SLC22A23: variants seen among roughly 807,000 people sequenced by gnomAD.
SLC22A23 encodes the protein solute carrier family 22 member 23, also known as ion transporter protein.
In SLC22A23, 26 loss-of-function variants were observed where a neutral mutation model predicts 61.0. The ratio of observed to expected loss-of-function variants is 0.43; its 90% confidence interval spans 0.31 to 0.59. SLC22A23 has a LOEUF of 0.59. Among genes scored for constraint, SLC22A23 ranks in the 20% least tolerant of loss-of-function variants. The pLI is 0.11. For missense variants in SLC22A23, 796 were observed against 934.7 expected (o/e 0.85, Z 1.94); for synonymous variants, 430 against 413.9 (o/e 1.04, Z -0.47).
chr6:3,285,011 CT>C, intron 8 of SLC22A23, 67 bp downstream of exon 8: 3 of 1,586,464 alleles, frequency 1.9e-6, no homozygotes, highest in Non-Finnish European at 2.6e-6. Context: ...GTCCGTGAGT[CT>C]TCGAGAAAAC....
intron 3 of SLC22A23, among the ~76,000 whole-genome samples, chr6:3,347,977 T>C (rs924433829): frequency 6.6e-6 from 1 of 152,182 alleles, no homozygotes; most frequent in Non-Finnish European, 1.5e-5. Flanking sequence ...TGTGTCATCA[T>C]GGAGGCTTTT....
intron 3 of SLC22A23, among the ~76,000 whole-genome samples, chr6:3,380,015 T>G (rs1368201980): frequency 6.6e-6 from 1 of 151,838 alleles, no homozygotes; most frequent in East Asian, 1.9e-4. Context: ...GTGGGAGAGA[T>G]AAAGAGAGGA....
intron 3 of SLC22A23, among the ~76,000 whole-genome samples, chr6:3,382,609 T>C (rs770619377): frequency 3.9e-5 from 6 of 152,244 alleles, no homozygotes; most frequent in Non-Finnish European, 8.8e-5. Context: ...TGGCAAACTA[T>C]AGCCTGTGGG....
At chr6:3,440,075 T>C (rs1771490377) in intron 1 of SLC22A23, among the ~76,000 whole-genome samples, 2 of 151,720 alleles carry the variant, frequency 1.3e-5, no homozygotes, top group African/African-American at 4.8e-5. Context: ...TCAGCTAGGG[T>C]CCAAGGACCA....
At chr6:3,440,521 G>C (rs1416252345) in intron 1 of SLC22A23, among the ~76,000 whole-genome samples, 2 of 151,762 alleles carry the variant, frequency 1.3e-5, no homozygotes, top group Non-Finnish European at 1.5e-5. Context: ...GCCTGGCCAA[G>C]ATGGTGAAAC....
intron 3 of SLC22A23, among the ~76,000 whole-genome samples, chr6:3,402,930 TC>T (rs1768531315): frequency 6.6e-6 from 1 of 152,210 alleles, no homozygotes; most frequent in African/African-American, 2.4e-5. Context: ...AAATTGTGCT[TC>T]CGGGCAGGTC....
At position 3,329,423 on chromosome 6, in the gene SLC22A23, G is replaced by C. The variant is rs748911960; in HGVS notation, c.914-5421C>G. Among the ~76,000 whole-genome samples the C allele has an allele frequency of 6.6e-6, 1 of 152,184 alleles. No homozygotes were observed. Among genetic ancestry groups the C allele is most frequent in the East Asian group, 1.9e-4 (1 of 5,196 alleles). On this transcript the variant is annotated intron_variant, in intron 3 of 9. Coordinates refer to ENST00000406686, the MANE Select transcript of SLC22A23 (RefSeq NM_015482.2). The surrounding 1 kb of genome is among the most constrained non-coding windows in gnomAD (Gnocchi z 4.8). ...CTGGCTTCTCTGAAATGAGAGTACA[G>C]GATTTTTCTGGACTGGAGTTGGCAA...
intron 3 of SLC22A23, among the ~76,000 whole-genome samples, chr6:3,380,721 C>T (rs1429924038): frequency 6.6e-6 from 1 of 152,140 alleles, no homozygotes; most frequent in East Asian, 1.9e-4. Flanking sequence ...AGCTGTGTTG[C>T]ACTGAAGTAA....
chr6:3,298,032 G>A (rs1356872373), intron 5 of SLC22A23, 59 bp downstream of exon 5: 4 of 1,438,800 alleles, frequency 2.8e-6, no homozygotes, highest in Non-Finnish European at 3.6e-6. Flanking sequence ...ACCAGCCCAG[G>A]TGTCAGGGAC....
In SLC22A23 at chr6:3,333,007, C is replaced by T. The variant is rs1005359304; in HGVS notation, c.914-9005G>A. Among the ~76,000 whole-genome samples, 10 of 152,146 alleles carry T rather than the reference C, an allele frequency of 6.6e-5. No individual in the cohort carries two copies. Among genetic ancestry groups the T allele is most frequent in the Admixed American group, 1.3e-4 (2 of 15,282 alleles). ...ACCCAGGTTCAGGTTTTTGGAAGAG[C>T]GTATCGCAGCTGGTGCCTGTGCGTC... On this transcript the variant is annotated intron_variant, in intron 3 of 9. Coordinates refer to ENST00000406686, the MANE Select transcript of SLC22A23 (RefSeq NM_015482.2). The surrounding 1 kb of genome is among the most constrained non-coding windows in gnomAD (Gnocchi z 4.1).
intron 9 of SLC22A23, chr6:3,282,351 T>C (rs1759547241): frequency 1.4e-6 from 1 of 701,554 alleles, no homozygotes; most frequent in Admixed American, 2.0e-5. Context: ...GATGAGTTCC[T>C]TGTGCTTAAT....
Position 3,297,204 on chromosome 6 carries a change from C to T in SLC22A23, c.1210+887G>A, listed in dbSNP as rs974533529. 1.3e-5 allele frequency among the ~76,000 whole-genome samples: 2 copies of T among 152,210 alleles called. No homozygotes were observed. The highest frequency in any genetic ancestry group is 1.5e-5 in the Non-Finnish European group (1 of 68,034). ...AAACACAGCAGGCATCTAGTAAACA[C>T]GTGTTGGTTTACTGAATGAATCATG... On this transcript the variant is annotated intron_variant, in intron 5 of 9. Coordinates refer to ENST00000406686, the MANE Select transcript of SLC22A23 (RefSeq NM_015482.2). This position sits in a 1 kb window ranked among gnomAD's most constrained non-coding sequence, Gnocchi z 4.3.
intron 5 of SLC22A23, among the ~76,000 whole-genome samples, chr6:3,293,249 G>A (rs1041177352): frequency 9.2e-5 from 14 of 152,314 alleles, no homozygotes; most frequent in African/African-American, 3.4e-4. Context: ...ACAAGGAGCA[G>A]GAGGAGGAGA....
chr6:3,397,933 C>T (rs1768116027), intron 3 of SLC22A23, among the ~76,000 whole-genome samples: 1 of 152,214 alleles, frequency 6.6e-6, no homozygotes, highest in African/African-American at 2.4e-5. Context: ...CAACGGGGAG[C>T]AAATGACCAA....
rs562393987 is a variant in SLC22A23, at chr6:3,386,228, T to C, written c.913+23960A>G. Among the ~76,000 whole-genome samples, 1 of 152,294 alleles carries C rather than the reference T, an allele frequency of 6.6e-6. No homozygotes were observed. Among genetic ancestry groups the C allele is most frequent in the East Asian group, 1.9e-4 (1 of 5,182 alleles). On this transcript the variant is annotated intron_variant, in intron 3 of 9. Coordinates refer to ENST00000406686, the MANE Select transcript of SLC22A23 (RefSeq NM_015482.2). This position sits in a 1 kb window ranked among gnomAD's most constrained non-coding sequence, Gnocchi z 4.4. ...GCATCACAGGGAAGCCAGTGTGCCC[T>C]GACAGTGCACGGTTAGGGGTTTAGA...
intron 2 of SLC22A23, among the ~76,000 whole-genome samples, chr6:3,411,670 T>G (rs1203782701): frequency 6.6e-6 from 1 of 151,886 alleles, no homozygotes. Flanking sequence ...CCTATAGAGA[T>G]AGATGGAATT....
intron 8 of SLC22A23, 179 bp downstream of exon 8, chr6:3,284,900 G>A (rs1407838132): frequency 2.0e-6 from 3 of 1,537,340 alleles, no homozygotes; most frequent in African/African-American, 1.4e-5. Flanking sequence ...CTAGAGGCAA[G>A]AGGGAGAATA....
At chr6:3,402,738 T>TACACAC (rs1768514806) in intron 3 of SLC22A23, among the ~76,000 whole-genome samples, 1 of 152,228 alleles carries the variant, frequency 6.6e-6, no homozygotes, top group Non-Finnish European at 1.5e-5. Flanking sequence ...CCCAGCAGGG[T>TACACAC]GTGTCTCTGC....
intron 4 of SLC22A23, among the ~76,000 whole-genome samples, chr6:3,305,884 C>A (rs960304418): frequency 1.3e-5 from 2 of 152,194 alleles, no homozygotes; most frequent in African/African-American, 4.8e-5. Context: ...TGGCTGTGGC[C>A]AGGATGGCAG....
Sources: gnomAD v4.1 joint callset for allele counts (sites outside exome capture counted in the v4.1 genomes callset) on GRCh38, gnomAD v4.1.1 for gene constraint, Gnocchi (gnomAD v3.1) non-coding constraint, MANE v1.5 for transcripts, NCBI Gene and HGNC (gene_info 2026-07-23, HGNC 2026-07-21) for gene names.